Variants in SLC16A7 observed in about 807,000 individuals in gnomAD.
SLC16A7 encodes the protein solute carrier family 16 member 7, also known as monocarboxylate transporter 2.
SLC16A7 carries 33 observed loss-of-function variants against 34.9 expected under a neutral mutation model. The ratio of observed to expected loss-of-function variants is 0.94; its 90% confidence interval spans 0.72 to 1.26. The LOEUF (loss-of-function observed/expected upper bound fraction) is 1.26, where lower values mean the gene tolerates loss of function less well. Ranked by LOEUF, SLC16A7 falls within the 50% of genes most tolerant of loss-of-function variation. SLC16A7 has a pLI of 0.00. For synonymous variants in SLC16A7, 201 were observed against 206.6 expected (o/e 0.97, Z 0.23); for missense variants, 573 against 578.1 (o/e 0.99, Z 0.09).
chr12:59,769,311 C>G (rs1297807888), intron 3 of SLC16A7: 3 of 152,098 alleles, frequency 2.0e-5, no homozygotes, highest in Non-Finnish European at 4.4e-5. Context: ...TTCTCTGGAA[C>G]CTCACCTGCA....
intron 2 of SLC16A7, 53 bp from the exon 3 acceptor site, chr12:59,704,719 G>T (rs1873359306): frequency 5.5e-6 from 5 of 915,188 alleles, no homozygotes; most frequent in African/African-American, 3.3e-5. Context: ...ATGAAGAGTG[G>T]TAAACAAAAG....
At chr12:59,754,712 ATTCCAAT>A (rs1880074676) in intron 3 of SLC16A7, among the ~76,000 whole-genome samples, 1 of 152,228 alleles carries the variant, frequency 6.6e-6, no homozygotes, top group Non-Finnish European at 1.5e-5. Flanking sequence ...TTCTGAAAGT[ATTCCAAT>A]CAATACAAAA....
At chr12:59,731,977 A>G (rs1328803765) in intron 3 of SLC16A7, among the ~76,000 whole-genome samples, 6 of 152,192 alleles carry the variant, frequency 3.9e-5, no homozygotes, top group Non-Finnish European at 7.3e-5. Context: ...AGTGATATTT[A>G]TCAATGACAA....
intron 1 of SLC16A7, among the ~76,000 whole-genome samples, chr12:59,618,152 C>T (rs1879538709): frequency 6.6e-6 from 1 of 151,632 alleles, no homozygotes. Flanking sequence ...TTTTTAGAGC[C>T]ATAGTATTAT....
intron 1 of SLC16A7, among the ~76,000 whole-genome samples, chr12:59,620,144 T>C (rs1226381534): frequency 3.3e-5 from 5 of 151,898 alleles, no homozygotes; most frequent in African/African-American, 4.8e-5. Context: ...GTTTTTTTTT[T>C]CTCCTCTTTT....
chr12:59,690,295 C>T (rs1346253798), intron 2 of SLC16A7, among the ~76,000 whole-genome samples: 1 of 151,964 alleles, frequency 6.6e-6, no homozygotes, highest in Non-Finnish European at 1.5e-5. Flanking sequence ...CACTGTTCAG[C>T]ACTGTTCAGG....
At chr12:59,657,465 G>C (rs978948948) in intron 2 of SLC16A7, among the ~76,000 whole-genome samples, 1 of 151,874 alleles carries the variant, frequency 6.6e-6, no homozygotes, top group African/African-American at 2.4e-5. Context: ...AAAGTATGCA[G>C]CACCCTGTAA....
intron 2 of SLC16A7, among the ~76,000 whole-genome samples, chr12:59,684,298 C>T (rs561096264): frequency 6.6e-6 from 1 of 152,292 alleles, no homozygotes; most frequent in African/African-American, 2.4e-5. Context: ...AGACAAAAGA[C>T]TTCATTAAAA....
intron 2 of SLC16A7, among the ~76,000 whole-genome samples, chr12:59,692,750 T>G (rs573598372): frequency 6.6e-6 from 1 of 152,194 alleles, no homozygotes; most frequent in East Asian, 1.9e-4. Flanking sequence ...AAAACAGGTT[T>G]TGTGTTACTG....
intron 1 of SLC16A7, among the ~76,000 whole-genome samples, chr12:59,637,596 C>T (rs181783818): frequency 6.6e-6 from 1 of 152,004 alleles, no homozygotes; most frequent in Non-Finnish European, 1.5e-5. Context: ...ATGAAAAAAG[C>T]ATGGCAAATT....
In SLC16A7 at chr12:59,787,775, A is replaced by T. The variant is rs1372059564; in HGVS notation, c.*8096A>T. 6.6e-6 allele frequency: 1 copy of T among 152,182 alleles called. No individual in the cohort carries two copies. The highest frequency in any genetic ancestry group is 1.5e-5 in the Non-Finnish European group (1 of 68,030). The allele number at this position is 152,182 out of a possible 1,614,324, so 9.4% of individuals were successfully genotyped here. On this transcript the variant is annotated 3_prime_UTR_variant, in exon 6 of 6. Transcript: ENST00000547379. Reference sequence around the variant, plus strand: ...TGTAGTACGTGATGTGTTTGGTTAGATTCAGCCAAACCGACACCCGTATGC... The same window carrying T: ...TGTAGTACGTGATGTGTTTGGTTAGTTTCAGCCAAACCGACACCCGTATGC...
At chr12:59,767,077 G>A (rs1027800872) in intron 3 of SLC16A7, among the ~76,000 whole-genome samples, 6 of 151,764 alleles carry the variant, frequency 4.0e-5, no homozygotes, top group South Asian at 2.1e-4. Flanking sequence ...TATGTGTTGC[G>A]GAATTTATCC....
At chr12:59,766,214 C>T (rs938842944) in intron 3 of SLC16A7, among the ~76,000 whole-genome samples, 17 of 152,262 alleles carry the variant, frequency 1.1e-4, no homozygotes, top group African/African-American at 3.6e-4. Flanking sequence ...TGCTTATCAG[C>T]TTAAGGAGAT....
intron 3 of SLC16A7, among the ~76,000 whole-genome samples, chr12:59,711,561 C>G (rs1301680470): frequency 6.6e-6 from 1 of 152,140 alleles, no homozygotes; most frequent in Admixed American, 6.5e-5. Context: ...CTCTGTTGCC[C>G]AAGCTGAGTG....
intron 1 of SLC16A7, among the ~76,000 whole-genome samples, chr12:59,636,432 T>A (rs1278478896): frequency 1.3e-5 from 2 of 152,166 alleles, no homozygotes; most frequent in Non-Finnish European, 2.9e-5. Flanking sequence ...TTTTTACATC[T>A]GGTGACAAAA....
chr12:59,658,785 C>T (rs193031394), intron 2 of SLC16A7, among the ~76,000 whole-genome samples: 54 of 151,976 alleles, frequency 3.6e-4, no homozygotes, highest in Middle Eastern at 6.8e-3. Flanking sequence ...GTTGATAACT[C>T]CAGATTTACG....
chr12:59,692,248 A>G (rs932300721), intron 2 of SLC16A7, among the ~76,000 whole-genome samples: 4 of 151,894 alleles, frequency 2.6e-5, no homozygotes, highest in Admixed American at 6.6e-5. Flanking sequence ...ATAAGGATAC[A>G]TGTGATTGCA....
chr12:59,637,778 T>C (rs1262777725), intron 1 of SLC16A7, among the ~76,000 whole-genome samples: 1 of 152,144 alleles, frequency 6.6e-6, no homozygotes, highest in Non-Finnish European at 1.5e-5. Context: ...TGGGGCCTAA[T>C]GAGGTGATTA....
Position 59,759,221 on chromosome 12 carries a change from G to A in SLC16A7, c.218-11998G>A, listed in dbSNP as rs1880745784. On this transcript the variant is annotated intron_variant, in intron 3 of 5. Coordinates refer to ENST00000547379, the MANE Select transcript of SLC16A7 (RefSeq NM_001270623.2). ...GTGTGAAGAAGTATCTAGCATAGTA[G>A]TTGAGTTAAAATCAATCCATCTTTC... 2.0e-5 allele frequency among the ~76,000 whole-genome samples: 3 copies of A among 151,942 alleles called. No individual in the cohort carries two copies. In the South Asian group the frequency reaches 6.2e-4, roughly 31 times the overall value.
Sources: gnomAD v4.1 joint callset for allele counts (sites outside exome capture counted in the v4.1 genomes callset) on GRCh38, gnomAD v4.1.1 for gene constraint, MANE v1.5 for transcripts, NCBI Gene and HGNC (gene_info 2026-07-23, HGNC 2026-07-21) for gene names.